Variants in ARHGAP24 observed in about 807,000 individuals in gnomAD.
ARHGAP24 encodes the protein rho GTPase-activating protein 24.
A neutral mutation model predicts 76.4 loss-of-function variants in ARHGAP24; 50 were observed. The ratio of observed to expected loss-of-function variants is 0.65; its 90% CI spans 0.52 to 0.83. The LOEUF (loss-of-function observed/expected upper bound fraction) is 0.83, where lower values mean the gene tolerates loss of function less well. ARHGAP24 is among the 40% of genes least tolerant of loss of function. The probability of loss-of-function intolerance (pLI) is 0.00; values close to 1 mark genes in which losing one functional copy is unlikely to be tolerated. For missense variants in ARHGAP24, 930 were observed against 914.2 expected (o/e 1.02, Z -0.22); for synonymous variants, 345 against 323.3 (o/e 1.07, Z -0.72).
chr4:85,994,555 T>A, intron 8 of ARHGAP24, 28 bp from the exon 9 acceptor site: 1 of 1,602,824 alleles, frequency 6.2e-7, no homozygotes. Flanking sequence ...GTCTCACTCA[T>A]GCTACTTTAT....
At chr4:85,876,850 T>G (rs1411577258) in intron 3 of ARHGAP24, among the ~76,000 whole-genome samples, 1 of 152,130 alleles carries the variant, frequency 6.6e-6, no homozygotes, top group Non-Finnish European at 1.5e-5. Context: ...TAAGCATGGT[T>G]TATAGAAGTT....
Position 85,942,319 on chromosome 4 carries a change from C to T in ARHGAP24, c.599+46C>T, listed in dbSNP as rs1375537276. The stretch of plus-strand genomic sequence containing the variant: ...AGCCATCTTCACTGAGAAATTCAGA[C>T]TCAACTGACAGGATGCAGTGAGCTG... On this transcript the variant is annotated intron_variant, in intron 5 of 9. Coordinates refer to ENST00000395184, the MANE Select transcript of ARHGAP24 (RefSeq NM_001025616.3). 4.4e-6 allele frequency: 7 copies of T among 1,594,750 alleles called. No homozygotes were observed. In the African/African-American group the frequency reaches 5.4e-5, roughly 12 times the overall value.
At chr4:85,993,232 C>T (rs1476075412) in intron 8 of ARHGAP24, among the ~76,000 whole-genome samples, 2 of 152,112 alleles carry the variant, frequency 1.3e-5, no homozygotes, top group African/African-American at 4.8e-5. Flanking sequence ...CCAGGTGATG[C>T]CAGTGCTACT....
At chr4:85,753,974 A>G (rs774890082) in intron 3 of ARHGAP24, among the ~76,000 whole-genome samples, 7 of 152,312 alleles carry the variant, frequency 4.6e-5, no homozygotes, top group South Asian at 4.1e-4. Context: ...GTTGTTAACT[A>G]TAATTTTTCT....
At chr4:85,846,246 A>C (rs1379182052) in intron 3 of ARHGAP24, among the ~76,000 whole-genome samples, 1 of 152,016 alleles carries the variant, frequency 6.6e-6, no homozygotes, top group Non-Finnish European at 1.5e-5. Context: ...CTATTATGTT[A>C]TTTTCATGGG....
rs150772098 is a variant in ARHGAP24, at chr4:85,770,067, A to G, written c.268+48095A>G. ...TTGCACTGAAGCTTGGGATTGGCCA[A>G]TAGCCCAGCACTGATGGACAATTTA... is the stretch of plus-strand genomic sequence containing the variant. On this transcript the variant is annotated intron_variant, in intron 3 of 9. Coordinates refer to ENST00000395184, the MANE Select transcript of ARHGAP24 (RefSeq NM_001025616.3). Among the ~76,000 whole-genome samples the G allele has an allele frequency of 5.5e-3, 839 of 152,344 alleles. 4 individuals are homozygous for G. Among genetic ancestry groups the G allele is most frequent in the Non-Finnish European group, 8.4e-3 (572 of 68,028 alleles).
At chr4:85,800,867 A>T (rs1728551956) in intron 3 of ARHGAP24, among the ~76,000 whole-genome samples, 1 of 152,248 alleles carries the variant, frequency 6.6e-6, no homozygotes, top group East Asian at 1.9e-4. Context: ...AGATAAATAT[A>T]TGCAGCTTGC....
chr4:85,514,738 A>T (rs192493585), intron 1 of ARHGAP24, among the ~76,000 whole-genome samples: 2 of 150,808 alleles, frequency 1.3e-5, no homozygotes, highest in East Asian at 3.9e-4. Context: ...TCTATTCATC[A>T]TAAACTTCCA....
chr4:85,912,011 T>C (rs1735114376), intron 3 of ARHGAP24, among the ~76,000 whole-genome samples: 1 of 152,172 alleles, frequency 6.6e-6, no homozygotes, highest in South Asian at 2.1e-4. Flanking sequence ...GTGAGTCCCA[T>C]TACAATTAGG....
At chr4:85,696,280 T>C (rs1404213976) in intron 2 of ARHGAP24, among the ~76,000 whole-genome samples, 1 of 152,136 alleles carries the variant, frequency 6.6e-6, no homozygotes, top group East Asian at 1.9e-4. Flanking sequence ...TAAAAGTGAG[T>C]TCTAAAATGC....
chr4:85,582,784 T>G (rs1213103283), intron 2 of ARHGAP24, among the ~76,000 whole-genome samples: 1 of 152,182 alleles, frequency 6.6e-6, no homozygotes, highest in African/African-American at 2.4e-5. Context: ...ATGGTCTGAA[T>G]TGAAAAGTTT....
At chr4:85,952,908 A>G (rs1029358035) in intron 5 of ARHGAP24, among the ~76,000 whole-genome samples, 29 of 152,258 alleles carry the variant, frequency 1.9e-4, no homozygotes, top group African/African-American at 6.8e-4. Flanking sequence ...AAATTAAAAC[A>G]TAACTTTTTA....
intron 3 of ARHGAP24, among the ~76,000 whole-genome samples, chr4:85,732,441 T>C (rs1725442413): frequency 6.6e-6 from 1 of 152,194 alleles, no homozygotes; most frequent in South Asian, 2.1e-4. Flanking sequence ...CTGTGCCAAC[T>C]CTCAGGGAAC....
At chr4:85,687,636 C>T (rs1263907596) in intron 2 of ARHGAP24, among the ~76,000 whole-genome samples, 2 of 151,942 alleles carry the variant, frequency 1.3e-5, no homozygotes, top group African/African-American at 4.8e-5. Flanking sequence ...GTATATATAC[C>T]ATATATTCTT....
At chr4:85,724,664 T>C (rs759008269) in intron 3 of ARHGAP24, among the ~76,000 whole-genome samples, 1 of 152,086 alleles carries the variant, frequency 6.6e-6, no homozygotes, top group Non-Finnish European at 1.5e-5. Flanking sequence ...TACTTATTTA[T>C]ATTTGTTTAC....
At chr4:85,903,371 G>A (rs1301391255) in intron 3 of ARHGAP24, among the ~76,000 whole-genome samples, 2 of 151,972 alleles carry the variant, frequency 1.3e-5, no homozygotes, top group African/African-American at 4.8e-5. Context: ...TGAGCTTTTA[G>A]TTTTTTTGTT....
At chr4:85,488,924 C>G (rs1375083936) in intron 1 of ARHGAP24, among the ~76,000 whole-genome samples, 1 of 152,182 alleles carries the variant, frequency 6.6e-6, no homozygotes, top group Non-Finnish European at 1.5e-5. Context: ...CTAAAGGCAG[C>G]TGAAAATTGT....
chr4:85,801,186 G>A (rs1728565622), intron 3 of ARHGAP24, among the ~76,000 whole-genome samples: 1 of 151,972 alleles, frequency 6.6e-6, no homozygotes, highest in South Asian at 2.1e-4. Context: ...AGTATAATTA[G>A]GTGATAAATT....
At chr4:85,755,035 C>A (rs1726421948) in intron 3 of ARHGAP24, among the ~76,000 whole-genome samples, 1 of 152,166 alleles carries the variant, frequency 6.6e-6, no homozygotes, top group Non-Finnish European at 1.5e-5. Flanking sequence ...GTTCTGCAAG[C>A]TTTCTGAGGA....
Sources: gnomAD v4.1 joint callset for allele counts (sites outside exome capture counted in the v4.1 genomes callset) on GRCh38, gnomAD v4.1.1 for gene constraint, MANE v1.5 for transcripts, NCBI Gene and HGNC (gene_info 2026-07-23, HGNC 2026-07-21) for gene names.